C3orf49: variants seen among roughly 807,000 people sequenced by gnomAD.
C3orf49 encodes chromosome 3 open reading frame 49.
Under a neutral mutation model 13.3 loss-of-function variants are expected in C3orf49, and 27 were observed. The ratio of observed to expected loss-of-function variants is 2.02; its 90% CI spans 1.49 to 2.79. C3orf49 has a LOEUF of 2.79. Ranked by LOEUF, C3orf49 falls within the 30% of genes most tolerant of loss-of-function variation. C3orf49 has a pLI of 0.00. For synonymous variants in C3orf49, 87 were observed against 47.6 expected (o/e 1.83, Z -3.40); for missense variants, 242 against 134.2 (o/e 1.80, Z -3.97).
chr3:63,804,221 G>A, the C3orf49 span, among the ~76,000 whole-genome samples: 1 of 152,128 alleles, frequency 6.6e-6, no homozygotes, highest in East Asian at 1.9e-4. Flanking sequence ...CTGGTTTGTG[G>A]CCTGGGGGTT....
At chr3:63,789,854 T>C in the C3orf49 span, among the ~76,000 whole-genome samples, 1 of 149,290 alleles carries the variant, frequency 6.7e-6, no homozygotes, top group African/African-American at 2.5e-5. Context: ...ATGGGACATA[T>C]GCTTGCCCTT....
intron 3 of C3orf49, among the ~76,000 whole-genome samples, chr3:63,830,680 T>G (rs1464940963): frequency 1.3e-5 from 2 of 152,126 alleles, no homozygotes; most frequent in African/African-American, 4.8e-5. Context: ...TTTGAAGACG[T>G]GACTGCCGTG....
chr3:63,832,804 G>C (rs1701551548), intron 5 of C3orf49: 1 of 152,132 alleles, frequency 6.6e-6, no homozygotes, highest in Admixed American at 6.5e-5. Context: ...CCCATGACTT[G>C]CCAGATGAAA....
At chr3:63,796,438 G>A in the C3orf49 span, among the ~76,000 whole-genome samples, 1 of 152,088 alleles carries the variant, frequency 6.6e-6, no homozygotes, top group Non-Finnish European at 1.5e-5. Context: ...TCTGATTGCT[G>A]GCTACATCTC....
intron 5 of C3orf49, among the ~76,000 whole-genome samples, chr3:63,833,319 G>A (rs1575799821): frequency 6.6e-6 from 1 of 151,962 alleles, no homozygotes. Context: ...GGCTGGTCTC[G>A]AACTCCTGAC....
chr3:63,847,028 G>C (rs1285830560), intron 6 of C3orf49, among the ~76,000 whole-genome samples: 1 of 152,096 alleles, frequency 6.6e-6, no homozygotes, highest in East Asian at 1.9e-4. Flanking sequence ...AAATTCACTA[G>C]TAGGAGGGCT....
At chr3:63,834,273 A>T in intron 5 of C3orf49, 1 of 1,435,586 alleles carries the variant, frequency 7.0e-7, no homozygotes, top group Middle Eastern at 1.8e-4. Flanking sequence ...ACATGAAAAC[A>T]TGTTTATCCT....
upstream of C3orf49, among the ~76,000 whole-genome samples, chr3:63,816,458 G>T (rs1288169415): frequency 6.6e-6 from 1 of 151,922 alleles, no homozygotes; most frequent in East Asian, 2.0e-4. Flanking sequence ...TGGGCGTGGT[G>T]GCACGTGCCT....
chr3:63,787,078 A>G, the C3orf49 span: 3 of 152,234 alleles, frequency 2.0e-5, no homozygotes, highest in Admixed American at 2.0e-4. Context: ...CTGCAAAGCA[A>G]CCTCAAAATC....
In C3orf49 at chr3:63,827,654, AAC is replaced by A; in HGVS notation, c.504_505del (p.Leu169ProfsTer36). 1 of 703,300 alleles carries A rather than the reference AAC, an allele frequency of 1.4e-6. No homozygotes were observed. The highest frequency in any genetic ancestry group is 1.5e-5 in the South Asian group (1 of 67,606). 43.6% of individuals were successfully genotyped at this position (703,300 alleles called of 1,614,324 possible). ...AGAGACAGAGGAGATAACCCAGGGA[AAC>A]ACACTCCTTCGGGCCAGGAGAACCA... Reference protein sequence around the residue: ...EAETEEITQGNTLLRARRTTK... With the variant: ...EAETEEITQGXTLLRARRTTK... On this transcript the variant is annotated frameshift_variant, in exon 3 of 7. Coordinates refer to ENST00000295896, the MANE Select transcript of C3orf49 (RefSeq NM_001355236.2). LOFTEE classifies it high-confidence loss of function.
At chr3:63,807,857 CAAA>C in the C3orf49 span, among the ~76,000 whole-genome samples, 743 of 32,228 alleles carry the variant, frequency 0.023, 3 homozygotes, top group African/African-American at 0.057. Flanking sequence ...AACTTCATCT[CAAA>C]AAAAAAAAAA....
chr3:63,798,858 A>G, the C3orf49 span, among the ~76,000 whole-genome samples: 2 of 152,180 alleles, frequency 1.3e-5, no homozygotes, highest in African/African-American at 2.4e-5. Flanking sequence ...CTCTTCTGTG[A>G]AAAGTGTAGG....
intron 1 of C3orf49, among the ~76,000 whole-genome samples, chr3:63,820,474 T>A (rs970377959): frequency 2.6e-5 from 4 of 152,148 alleles, no homozygotes; most frequent in Non-Finnish European, 5.9e-5. Context: ...TTGTTAATTA[T>A]GTTCTAGATA....
rs562821968 is a variant in C3orf49 at position 63,823,349 on chromosome 3, G to A, written c.225G>A (p.Gln75=). 1.6e-5 allele frequency: 11 copies of A among 703,214 alleles called. No homozygotes were observed. The highest frequency in any genetic ancestry group is 2.9e-5 in the Non-Finnish European group (11 of 385,060). The allele number at this position is 703,214 out of a possible 1,614,324, so 43.6% of individuals were successfully genotyped here. The part of the protein sequence containing the change: ...SDSDMGFHES[Q]QNQKSNLKTK... Reference sequence around the variant, plus strand: ...GTGACATGGGATTTCATGAAAGCCAGCAAAATCAGAAAAGTAATTTGAAGA... The same window carrying A: ...GTGACATGGGATTTCATGAAAGCCAACAAAATCAGAAAAGTAATTTGAAGA... The change falls in exon 2 of 7, where the codon CAG becomes CAA. Residue 75 remains glutamine, a synonymous_variant. Coordinates refer to ENST00000295896, the MANE Select transcript of C3orf49 (RefSeq NM_001355236.2).
At chr3:63,830,244 CCAAGTATG>C (rs755436198) in intron 3 of C3orf49, among the ~76,000 whole-genome samples, 8 of 152,072 alleles carry the variant, frequency 5.3e-5, no homozygotes, top group Non-Finnish European at 8.8e-5. Flanking sequence ...GTAGTGACTG[CCAAGTATG>C]CTAGTATGCT....
At chr3:63,797,112 C>T in the C3orf49 span, among the ~76,000 whole-genome samples, 1 of 151,862 alleles carries the variant, frequency 6.6e-6, no homozygotes, top group South Asian at 2.1e-4. Flanking sequence ...ATTTTAAATA[C>T]TTCATTCCAC....
intron 3 of C3orf49, among the ~76,000 whole-genome samples, chr3:63,829,243 C>G (rs891603539): frequency 1.3e-5 from 2 of 152,132 alleles, no homozygotes; most frequent in East Asian, 3.9e-4. Flanking sequence ...ATCTAATGGA[C>G]ATGGTCTTGC....
At chr3:63,821,877 T>G (rs1286572930) in intron 1 of C3orf49, among the ~76,000 whole-genome samples, 2 of 152,178 alleles carry the variant, frequency 1.3e-5, no homozygotes, top group Non-Finnish European at 2.9e-5. Context: ...TCTGACTGTT[T>G]CAGTGTCAAT....
At chr3:63,792,185 G>C in the C3orf49 span, among the ~76,000 whole-genome samples, 3 of 152,234 alleles carry the variant, frequency 2.0e-5, no homozygotes, top group Admixed American at 2.0e-4. Context: ...ATGCCATCTT[G>C]TGGAGGATGT....
Sources: gnomAD v4.1 joint callset for allele counts (sites outside exome capture counted in the v4.1 genomes callset) on GRCh38, gnomAD v4.1.1 for gene constraint, MANE v1.5 for transcripts, NCBI Gene and HGNC (gene_info 2026-07-23, HGNC 2026-07-21) for gene names.